The following ZFPM2 variants were observed in gnomAD, a reference collection of about 807,000 sequenced individuals.
ZFPM2 encodes the protein zinc finger protein, FOG family member 2, also known as zinc finger protein ZFPM2.
ZFPM2 carries 20 observed loss-of-function variants against 98.6 expected under a neutral mutation model. The ratio of observed to expected loss-of-function variants is 0.20; its 90% CI spans 0.14 to 0.29. ZFPM2 has a LOEUF of 0.29. Ranked by LOEUF, ZFPM2 falls within the 10% of genes least tolerant of loss-of-function variation. The pLI is 1.00. For synonymous variants in ZFPM2, 518 were observed against 502.7 expected, an observed-to-expected ratio of 1.03 and a Z score of -0.41; for missense variants, 1,310 against 1,388.6, an observed-to-expected ratio of 0.94 and a Z score of 0.90.
intron 1 of ZFPM2, among the ~76,000 whole-genome samples, chr8:105,341,833 C>T (rs1563612097): frequency 6.6e-6 from 1 of 151,930 alleles, no homozygotes; most frequent in Non-Finnish European, 1.5e-5. Flanking sequence ...CTGTGGTGAA[C>T]ACAAAGCATC....
At chr8:105,386,666 A>G (rs2880447) in intron 1 of ZFPM2, among the ~76,000 whole-genome samples, 82,337 of 151,912 alleles carry the variant, frequency 0.54, 22,485 homozygotes, top group Admixed American at 0.59. Context: ...AGCTTCCACA[A>G]TGTGGAAGGG....
At chr8:105,550,124 G>T (rs1464430833) in intron 3 of ZFPM2, among the ~76,000 whole-genome samples, 2 of 152,064 alleles carry the variant, frequency 1.3e-5, no homozygotes, top group Non-Finnish European at 2.9e-5. Context: ...AATGTTTTGT[G>T]AACTCTGACA....
At chr8:105,508,922 G>A (rs1435810439) in intron 3 of ZFPM2, among the ~76,000 whole-genome samples, 3 of 151,464 alleles carry the variant, frequency 2.0e-5, no homozygotes, top group Non-Finnish European at 4.4e-5. Context: ...AGTGTGTTTA[G>A]ATTTAAGCTA....
intron 5 of ZFPM2, among the ~76,000 whole-genome samples, chr8:105,693,980 C>CTTTTTTTTTTTTTTTTT (rs376834507): frequency 2.5e-4 from 30 of 118,406 alleles, no homozygotes; most frequent in African/African-American, 5.2e-4. Context: ...TTTTTCTTTT[C>CTTTTTTTTTTTTTTTTT]TTTTTTTTTT....
At chr8:105,463,322 TAG>T (rs973926558) in intron 3 of ZFPM2, among the ~76,000 whole-genome samples, 7 of 151,802 alleles carry the variant, frequency 4.6e-5, no homozygotes, top group African/African-American at 7.2e-5. Flanking sequence ...TATACATATA[TAG>T]AGTTTTTATA....
At chr8:105,704,688 A>G (rs1214427487) in intron 5 of ZFPM2, among the ~76,000 whole-genome samples, 2 of 152,176 alleles carry the variant, frequency 1.3e-5, no homozygotes, top group Non-Finnish European at 2.9e-5. Context: ...ATTTACCTAG[A>G]TGATATTCTA....
chr8:105,623,189 AACTTG>A (rs1482895245), intron 4 of ZFPM2, among the ~76,000 whole-genome samples: 1 of 152,094 alleles, frequency 6.6e-6, no homozygotes, highest in Non-Finnish European at 1.5e-5. Context: ...GACTTTCAAT[AACTTG>A]ACTTTTAATA....
intron 4 of ZFPM2, among the ~76,000 whole-genome samples, chr8:105,589,194 A>G (rs570566239): frequency 6.6e-6 from 1 of 152,252 alleles, no homozygotes; most frequent in South Asian, 2.1e-4. Context: ...CGGTGTCAGA[A>G]TTTTTTGTGC....
At chr8:105,484,591 T>C (rs1813191836) in intron 3 of ZFPM2, among the ~76,000 whole-genome samples, 1 of 152,216 alleles carries the variant, frequency 6.6e-6, no homozygotes, top group African/African-American at 2.4e-5. Flanking sequence ...TGAGTTACTA[T>C]GGGTGTTTAA....
chr8:105,658,732 G>A (rs920400966), intron 5 of ZFPM2, among the ~76,000 whole-genome samples: 19 of 151,838 alleles, frequency 1.3e-4, no homozygotes, highest in African/African-American at 4.6e-4. Flanking sequence ...TACTGGTCTT[G>A]GTGTGTGAAT....
At chr8:105,599,391 T>TAAAA (rs71577982) in intron 4 of ZFPM2, among the ~76,000 whole-genome samples, 15 of 137,402 alleles carry the variant, frequency 1.1e-4, no homozygotes, top group Admixed American at 3.7e-4. Flanking sequence ...TTTTCGTCTT[T>TAAAA]AAAAAAAAAA....
Position 105,652,087 on chromosome 8 carries a change from C to T in ZFPM2, c.532+17730C>T, listed in dbSNP as rs78984463. Among the ~76,000 whole-genome samples, 60 of 151,750 alleles carry T rather than the reference C, an allele frequency of 4.0e-4. No homozygotes were observed. The East Asian group carries it at 5.1e-3, about 13-fold the overall frequency. On this transcript the variant is annotated intron_variant, in intron 5 of 7. Transcript: ENST00000407775. ...TGTTGTCAAACCACAGGGTTTGGTT[C>T]GACATCTTTGCATAGCAGCCATGCC...
At chr8:105,554,033 G>A (rs1814926442) in intron 3 of ZFPM2, among the ~76,000 whole-genome samples, 1 of 152,120 alleles carries the variant, frequency 6.6e-6, no homozygotes, top group South Asian at 2.1e-4. Context: ...AATAGGGAAC[G>A]TCGTATTTCA....
intron 4 of ZFPM2, among the ~76,000 whole-genome samples, chr8:105,627,774 G>T (rs557973751): frequency 4.6e-5 from 7 of 152,116 alleles, no homozygotes; most frequent in African/African-American, 1.7e-4. Flanking sequence ...TGGATCTTAC[G>T]GGTTCTGTGT....
chr8:105,548,825 G>T (rs1345566592), intron 3 of ZFPM2, among the ~76,000 whole-genome samples: 5 of 152,010 alleles, frequency 3.3e-5, no homozygotes, highest in Non-Finnish European at 7.4e-5. Flanking sequence ...CACCATTAGA[G>T]TAAGTCACAT....
chr8:105,417,057 G>A (rs886582451), intron 1 of ZFPM2, among the ~76,000 whole-genome samples: 2 of 150,082 alleles, frequency 1.3e-5, no homozygotes, highest in Non-Finnish European at 3.0e-5. Flanking sequence ...GCTGAGGTGG[G>A]AGGATCACTT....
At chr8:105,433,167 C>G (rs778225977) in intron 2 of ZFPM2, among the ~76,000 whole-genome samples, 2 of 152,038 alleles carry the variant, frequency 1.3e-5, no homozygotes, top group Non-Finnish European at 2.9e-5. Flanking sequence ...TTCATGTGCT[C>G]GTTGAGAGAA....
At chr8:105,750,311 G>A (rs550292440) in intron 5 of ZFPM2, among the ~76,000 whole-genome samples, 13 of 151,944 alleles carry the variant, frequency 8.6e-5, no homozygotes, top group Non-Finnish European at 1.3e-4. Context: ...AACAAGCCCT[G>A]CTGCCTCCAA....
chr8:105,632,130 G>A (rs1187395150), intron 4 of ZFPM2, among the ~76,000 whole-genome samples: 1 of 151,994 alleles, frequency 6.6e-6, no homozygotes, highest in African/African-American at 2.4e-5. Context: ...CTGGAGAGCT[G>A]CAGATCCTTT....
Sources: allele counts gnomAD v4.1 joint callset (sites outside exome capture counted in the v4.1 genomes callset), GRCh38; gene constraint gnomAD v4.1.1; transcripts MANE v1.5; gene names NCBI Gene and HGNC (gene_info 2026-07-23, HGNC 2026-07-21).